AFG2A: variants seen among roughly 807,000 people sequenced by gnomAD.
The protein encoded by AFG2A is ATPase family gene 2 protein homolog A.
At chr4:123,012,404 C>T in the AFG2A span, among the ~76,000 whole-genome samples, 438 of 147,480 alleles carry the variant, frequency 3.0e-3, 2 homozygotes, top group African/African-American at 0.01. Context: ...GCTTGCCCCC[C>T]AGGAAAGTGG....
chr4:123,178,544 TGA>T, the AFG2A span, among the ~76,000 whole-genome samples: 4 of 152,206 alleles, frequency 2.6e-5, no homozygotes. Flanking sequence ...TTTGCTTCCC[TGA>T]GAGAAATCAC....
the AFG2A span, among the ~76,000 whole-genome samples, chr4:123,273,783 G>A: frequency 3.9e-5 from 6 of 152,140 alleles, no homozygotes; most frequent in Admixed American, 3.9e-4. Context: ...AAACACAAAT[G>A]AAGTTCATGT....
the AFG2A span, among the ~76,000 whole-genome samples, chr4:122,999,499 A>AG: frequency 6.6e-6 from 1 of 152,122 alleles, no homozygotes; most frequent in African/African-American, 2.4e-5. Flanking sequence ...GGTGTAAGGA[A>AG]GGGATCCAGT....
chr4:123,197,712 G>A, the AFG2A span, among the ~76,000 whole-genome samples: 62 of 152,038 alleles, frequency 4.1e-4, no homozygotes, highest in Non-Finnish European at 6.9e-4. Flanking sequence ...AGGTTGCAGT[G>A]AGCTTAGATC....
chr4:123,178,399 G>A, the AFG2A span, among the ~76,000 whole-genome samples: 1 of 152,044 alleles, frequency 6.6e-6, no homozygotes, highest in African/African-American at 2.4e-5. Context: ...TGTCTATTAG[G>A]AACTGTTTAA....
the AFG2A span, among the ~76,000 whole-genome samples, chr4:123,013,383 T>C: frequency 2.0e-5 from 3 of 152,236 alleles, no homozygotes; most frequent in African/African-American, 7.2e-5. Flanking sequence ...CCTGACCACA[T>C]GTATGGGTTT....
the AFG2A span, among the ~76,000 whole-genome samples, chr4:123,072,332 A>C: frequency 1.8e-4 from 27 of 152,286 alleles, no homozygotes; most frequent in African/African-American, 5.5e-4. Context: ...TAATCTTCAT[A>C]ATTACTTAAT....
At chr4:123,268,512 C>A in the AFG2A span, among the ~76,000 whole-genome samples, 4 of 152,244 alleles carry the variant, frequency 2.6e-5, no homozygotes, top group Admixed American at 2.6e-4. Flanking sequence ...AAAGCCTCTA[C>A]CAAGTGTCTG....
the AFG2A span, among the ~76,000 whole-genome samples, chr4:123,118,734 T>G: frequency 0.036 from 5,523 of 152,202 alleles, 335 homozygotes; most frequent in African/African-American, 0.12. Context: ...TTTATGGTGA[T>G]TCTACCATTT....
chr4:123,170,498 T>G, the AFG2A span, among the ~76,000 whole-genome samples: 3 of 152,218 alleles, frequency 2.0e-5, no homozygotes, highest in South Asian at 2.1e-4. Context: ...TGTCTCCTGG[T>G]TGTCAGATTC....
the AFG2A span, among the ~76,000 whole-genome samples, chr4:122,979,616 G>A: frequency 6.6e-6 from 1 of 152,206 alleles, no homozygotes; most frequent in East Asian, 1.9e-4. Flanking sequence ...CAAAACTGAA[G>A]TACAGGCTGG....
the AFG2A span, chr4:123,056,528 T>C: frequency 1.8e-6 from 2 of 1,131,826 alleles, no homozygotes; most frequent in East Asian, 5.5e-5. Context: ...GGTAACAGAC[T>C]TTGGCATTTC....
chr4:123,274,320 C>T, the AFG2A span, among the ~76,000 whole-genome samples: 2 of 151,392 alleles, frequency 1.3e-5, no homozygotes, highest in Non-Finnish European at 1.5e-5. Flanking sequence ...AATGAAAGAC[C>T]GAATGCATAC....
the AFG2A span, among the ~76,000 whole-genome samples, chr4:123,206,055 A>G: frequency 6.6e-6 from 1 of 152,052 alleles, no homozygotes; most frequent in South Asian, 2.1e-4. Context: ...GGGATGTAAA[A>G]TGCTTAAACA....
the AFG2A span, among the ~76,000 whole-genome samples, chr4:123,110,896 C>T: frequency 2.1e-4 from 32 of 152,262 alleles, no homozygotes; most frequent in African/African-American, 7.2e-4. Flanking sequence ...TTCTTTATCC[C>T]GTAGCATGTC....
chr4:123,033,981 A>T, the AFG2A span, among the ~76,000 whole-genome samples: 1 of 152,180 alleles, frequency 6.6e-6, no homozygotes, highest in South Asian at 2.1e-4. Context: ...CAATGGTGAA[A>T]CCTGACAAGC....
chr4:123,261,045 T>G, the AFG2A span, among the ~76,000 whole-genome samples: 1 of 152,160 alleles, frequency 6.6e-6, no homozygotes, highest in South Asian at 2.1e-4. Context: ...GTGCTCCCTA[T>G]GAGAATCTAA....
At chr4:123,037,237 G>T in the AFG2A span, among the ~76,000 whole-genome samples, 3 of 151,988 alleles carry the variant, frequency 2.0e-5, no homozygotes, top group East Asian at 5.8e-4. Flanking sequence ...GTTTGTGACT[G>T]ATATGATGTA....
At chr4:123,222,008 C>T in the AFG2A span, among the ~76,000 whole-genome samples, 14 of 151,900 alleles carry the variant, frequency 9.2e-5, no homozygotes, top group Admixed American at 4.6e-4. Context: ...CTATGTTTTT[C>T]ATTGTCCGTT....
Sources: allele counts gnomAD v4.1 joint callset (sites outside exome capture counted in the v4.1 genomes callset), GRCh38; gene constraint gnomAD v4.1.1; transcripts MANE v1.5; gene names NCBI Gene and HGNC (gene_info 2026-07-23, HGNC 2026-07-21).